Variants in ALDOC observed in about 807,000 individuals in gnomAD.
ALDOC encodes fructose-bisphosphate aldolase C.
ALDOC carries 23 observed loss-of-function variants against 39.5 expected under a neutral mutation model. The observed-to-expected ratio is 0.58, with a 90% CI of 0.42 to 0.82. The LOEUF is 0.82. Ranked by LOEUF, ALDOC falls within the 40% of genes least tolerant of loss-of-function variation. The pLI is 0.00. For synonymous variants in ALDOC, 160 were observed against 182.6 expected (o/e 0.88, Z 1.00); for missense variants, 356 against 479.1 (o/e 0.74, Z 2.40).
At position 28,575,358 on chromosome 17, in the gene ALDOC, G is replaced by A. The variant is rs1370474815; in HGVS notation, c.113-24C>T. 3 of 1,614,106 alleles carry A rather than the reference G, an allele frequency of 1.9e-6. No individual in the cohort carries two copies. The highest frequency in any genetic ancestry group is 3.3e-5 in the Admixed American group (2 of 60,006). On this transcript the variant is annotated intron_variant, in intron 2 of 8. Transcript: ENST00000226253. This position sits in a 1 kb window ranked among gnomAD's most constrained non-coding sequence, Gnocchi z 4.3. ...GCCTAGGGGCAAACAAAGAGAGGCA[G>A]TGAGAACATCCCCAGGGTCCCCTAG...
rs889636693 is a variant in ALDOC, at chr17:28,575,759, T to C, written c.-12-215A>G. ...TCCTTTTGTCCCTGGTAGGCATCCT[T>C]CCCAGCCCTGGGGAAAGATGCAGGG... On this transcript the variant is annotated intron_variant, in intron 1 of 8. Coordinates refer to ENST00000226253, the MANE Select transcript of ALDOC (RefSeq NM_005165.3). The surrounding 1 kb of genome is among the most constrained non-coding windows in gnomAD (Gnocchi z 4.3). 1 of 665,160 alleles carries C rather than the reference T, an allele frequency of 1.5e-6. No individual in the cohort carries two copies. Among genetic ancestry groups the C allele is most frequent in the Non-Finnish European group, 2.4e-6 (1 of 419,834 alleles). The allele number at this position is 665,160 out of a possible 1,614,324, so 41.2% of individuals were successfully genotyped here.
In ALDOC at chr17:28,573,970, C is replaced by T. The variant is rs370401725; in HGVS notation, c.800-36G>A. ...GGAGAGAAGACAAACTGACTGGTCA[C>T]TCCCAATTTTTCCAGGATAGGGAAC... On this transcript the variant is annotated intron_variant, in intron 7 of 8. Coordinates refer to ENST00000226253, the MANE Select transcript of ALDOC (RefSeq NM_005165.3). The surrounding 1 kb of genome is among the most constrained non-coding windows in gnomAD (Gnocchi z 4.3). The T allele has an allele frequency of 6.8e-5, 110 of 1,612,880 alleles. No individual in the cohort carries two copies. Among genetic ancestry groups the T allele is most frequent in the Non-Finnish European group, 9.2e-5 (109 of 1,179,194 alleles).
chr17:28,573,520 G>A lies in ALDOC; in HGVS notation c.*6C>T. ...TGGGCCAAGGGCTGTGGTATGGAGTGGATACTCAGTAGGCATGGTTGGCAA... is the reference window on the plus strand; with the variant it reads ...TGGGCCAAGGGCTGTGGTATGGAGTAGATACTCAGTAGGCATGGTTGGCAA... On this transcript the variant is annotated 3_prime_UTR_variant, in exon 9 of 9. Coordinates refer to ENST00000226253, the MANE Select transcript of ALDOC (RefSeq NM_005165.3). The surrounding 1 kb of genome is among the most constrained non-coding windows in gnomAD (Gnocchi z 4.3). 2 of 1,613,734 alleles carry A rather than the reference G, an allele frequency of 1.2e-6. No homozygotes were observed. The highest frequency in any genetic ancestry group is 1.7e-6 in the Non-Finnish European group (2 of 1,179,662).
chr17:28,576,766 A>C (rs1475662069), intron 1 of ALDOC, 35 bp downstream of exon 1: 3 of 983,344 alleles, frequency 3.1e-6, no homozygotes, highest in Non-Finnish European at 3.6e-6. Flanking sequence ...AATGAAGCGG[A>C]GATGTTGAGT....
At chr17:28,576,555 A>G (rs1179222608) in intron 1 of ALDOC, 1 of 152,584 alleles carries the variant, frequency 6.6e-6, no homozygotes, top group East Asian at 1.9e-4. Flanking sequence ...GACTCCAAGG[A>G]AAAATCCAAC....
At position 28,574,055 on chromosome 17, in the gene ALDOC, G is replaced by C; in HGVS notation, c.799+12C>G. 6.3e-7 allele frequency: 1 copy of C among 1,595,244 alleles called. No homozygotes were observed. On this transcript the variant is annotated intron_variant, in intron 7 of 8. Transcript: ENST00000226253. ...CTTAGGGATAGGAGCAGGTTAGGGA[G>C]CTGGGTAGTACCTGGGACAGCTGGG...
Position 28,575,059 on chromosome 17 carries a change from ACC to A in ALDOC, c.325-55_325-54del. On this transcript the variant is annotated intron_variant, in intron 3 of 8. Coordinates refer to ENST00000226253, the MANE Select transcript of ALDOC (RefSeq NM_005165.3). This position sits in a 1 kb window ranked among gnomAD's most constrained non-coding sequence, Gnocchi z 4.3. ...GAATCCAGGCAGGATTCTCCTTGCTACCCCTCCTACACAAGCTTATTTTCACA... is the reference window on the plus strand; with the variant it reads ...GAATCCAGGCAGGATTCTCCTTGCTACCTCCTACACAAGCTTATTTTCACA... 1 of 1,613,904 alleles carries A rather than the reference ACC, an allele frequency of 6.2e-7. No individual in the cohort carries two copies. Among genetic ancestry groups the A allele is most frequent in the Non-Finnish European group, 8.5e-7 (1 of 1,179,900 alleles).
rs2151515993 is a variant in ALDOC at position 28,573,255 on chromosome 17, T to C, written c.*271A>G. On this transcript the variant is annotated 3_prime_UTR_variant, in exon 9 of 9. Transcript: ENST00000226253. This position sits in a 1 kb window ranked among gnomAD's most constrained non-coding sequence, Gnocchi z 4.3. ...GAGAAGCTACCTCATCATGGGAAAA[T>C]TGTGGGAGCTGGAAGAGGTAGGGGG... 4.5e-5 allele frequency: 24 copies of C among 528,138 alleles called. No individual in the cohort carries two copies. In the South Asian group the frequency reaches 4.7e-4, roughly 10 times the overall value. The allele number at this position is 528,138 out of a possible 1,614,324, so 32.7% of individuals were successfully genotyped here. A position where few individuals can be genotyped will look rare whatever the true frequency, so the allele number is the denominator to read the frequency against.
chr17:28,574,023 G>C, intron 7 of ALDOC, 44 bp downstream of exon 7: 1 of 1,601,678 alleles, frequency 6.2e-7, no homozygotes, highest in Non-Finnish European at 8.5e-7. Flanking sequence ...AGGACCTGAA[G>C]ATGGGCCTTA....
Position 28,574,808 on chromosome 17 carries a change from G to A in ALDOC, c.428C>T (p.Ala143Val). The A allele has an allele frequency of 6.2e-7, 1 of 1,614,238 alleles. No individual in the cohort carries two copies. The highest frequency in any genetic ancestry group is 8.5e-7 in the Non-Finnish European group (1 of 1,180,042). The change falls in exon 5 of 9, where the codon GCT becomes GTT. Residue 143 changes from alanine (A) to valine (V), a missense_variant. Transcript: ENST00000226253. ...ERCAQYKKDG[A>V]DFAKWRCVLK... is the part of the protein sequence containing the mutation. ...CACACAGCGCCACTTGGCAAAGTCA[G>A]CACCATCCTTCTTGTATTGGGCACA...
Position 28,574,506 on chromosome 17 carries a change from A to G in ALDOC, c.612T>C (p.Tyr204=), listed in dbSNP as rs2070463189. The G allele has an allele frequency of 3.1e-6, 5 of 1,613,998 alleles. No homozygotes were observed. Among genetic ancestry groups the G allele is most frequent in the Non-Finnish European group, 4.2e-6 (5 of 1,180,006 alleles). ...GGTGTGGACTCACCTTCTCTGTAAC[A>G]TACTGACAACGTTTGAGGTCGTGGT... ...DGDHDLKRCQ[Y]VTEKVLAAVY... Residue 204 remains tyrosine, a synonymous_variant, in exon 6 of 9, where the codon TAT becomes TAC. Coordinates refer to ENST00000226253, the MANE Select transcript of ALDOC (RefSeq NM_005165.3).
Position 28,574,780 on chromosome 17 carries a change from C to T in ALDOC, c.456G>A (p.Leu152=), listed in dbSNP as rs754828649. The T allele has an allele frequency of 6.2e-7, 1 of 1,614,254 alleles. No homozygotes were observed. The highest frequency in any genetic ancestry group is 1.1e-5 in the South Asian group (1 of 91,088). The change falls in exon 5 of 9, where the codon CTG becomes CTA. Residue 152 remains leucine, a synonymous_variant. Transcript: ENST00000226253. The part of the protein sequence containing the change: ...GADFAKWRCV[L]KISERTPSAL... ...CAGAGGGTGTACGCTCACTGATTTTCAGCACACAGCGCCACTTGGCAAAGT... is the reference window on the plus strand; with the variant it reads ...CAGAGGGTGTACGCTCACTGATTTTTAGCACACAGCGCCACTTGGCAAAGT...
In ALDOC at chr17:28,573,454, G is replaced by C; in HGVS notation, c.*72C>G. 1 of 1,368,776 alleles carries C rather than the reference G, an allele frequency of 7.3e-7. No individual in the cohort carries two copies. The highest frequency in any genetic ancestry group is 1.0e-6 in the Non-Finnish European group (1 of 957,050). 84.8% of individuals were successfully genotyped at this position (1,368,776 alleles called of 1,614,324 possible). A position where few individuals can be genotyped will look rare whatever the true frequency, so the allele number is the denominator to read the frequency against. ...GCATCTCTGCTCTGCATAGCTATTT[G>C]GCCCTGGCCATGACTACAAGCAAAA... On this transcript the variant is annotated 3_prime_UTR_variant, in exon 9 of 9. Transcript: ENST00000226253. This position sits in a 1 kb window ranked among gnomAD's most constrained non-coding sequence, Gnocchi z 4.3.
chr17:28,575,598 G>T lies in ALDOC; in HGVS notation c.-12-54C>A. The T allele has an allele frequency of 6.4e-7, 1 of 1,562,350 alleles. No individual in the cohort carries two copies. Among genetic ancestry groups the T allele is most frequent in the South Asian group, 1.2e-5 (1 of 86,048 alleles). On this transcript the variant is annotated intron_variant, in intron 1 of 8. Transcript: ENST00000226253. The surrounding 1 kb of genome is among the most constrained non-coding windows in gnomAD (Gnocchi z 4.3). Reference sequence around the variant, plus strand: ...GACCTCACCCTCTGCTGCCTCTCCTGGCCAGATGGGCCAAATGGCCTCCCC... The same window carrying T: ...GACCTCACCCTCTGCTGCCTCTCCTTGCCAGATGGGCCAAATGGCCTCCCC...
Position 28,574,205 on chromosome 17 carries a change from G to C in ALDOC, c.661C>G (p.His221Asp). 1 of 1,606,074 alleles carries C rather than the reference G, an allele frequency of 6.2e-7. No individual in the cohort carries two copies. The change falls in exon 7 of 9, where the codon CAT (histidine) becomes GAT (aspartate). Residue 221 changes from histidine to aspartate, a missense_variant. By Grantham distance (81) the His-to-Asp change is moderately conservative (BLOSUM62 -1). Coordinates refer to ENST00000226253, the MANE Select transcript of ALDOC (RefSeq NM_005165.3). ...AAVYKALSDH[H>D]VYLEGTLLKP... ...AGCAGGGTCCCCTCCAGGTATACAT[G>C]ATGGTCACTCAGGGCCTTGTACACA...
Position 28,575,786 on chromosome 17 carries a change from G to A in ALDOC, c.-12-242C>T, listed in dbSNP as rs1248578650. 3.3e-6 allele frequency: 2 copies of A among 611,270 alleles called. No homozygotes were observed. Among genetic ancestry groups the A allele is most frequent in the African/African-American group, 1.9e-5 (1 of 53,712 alleles). The allele number at this position is 611,270 out of a possible 1,614,324, so 37.9% of individuals were successfully genotyped here. A position where few individuals can be genotyped will look rare whatever the true frequency, so the allele number is the denominator to read the frequency against. ...CCAGCCCTGGGGAAAGATGCAGGGT[G>A]GGGGTGGGGAGGTGAGCAGCCCTGA... On this transcript the variant is annotated intron_variant, in intron 1 of 8. Coordinates refer to ENST00000226253, the MANE Select transcript of ALDOC (RefSeq NM_005165.3). This position sits in a 1 kb window ranked among gnomAD's most constrained non-coding sequence, Gnocchi z 4.3.
chr17:28,575,268 C>T lies in ALDOC; in HGVS notation c.179G>A (p.Arg60His), dbSNP rs780705348. The change falls in exon 3 of 9, where the codon CGC (arginine) becomes CAC (histidine). Residue 60 changes from arginine to histidine, a missense_variant. Arg to His is a conservative substitution (Grantham distance 29). Coordinates refer to ENST00000226253, the MANE Select transcript of ALDOC (RefSeq NM_005165.3). The surrounding 1 kb of genome is among the most constrained non-coding windows in gnomAD (Gnocchi z 4.3). The part of the protein sequence containing the change: ...ENTEENRRLY[R>H]QVLFSADDRV... ...GTCATCAGCACTGAACAGGACCTGG[C>T]GGTACAGCCGGCGGTTCTCCTCTGT... 5.6e-6 allele frequency: 9 copies of T among 1,614,156 alleles called. No individual in the cohort carries two copies. The highest frequency in any genetic ancestry group is 5.5e-5 in the South Asian group (5 of 91,082).
In ALDOC at chr17:28,575,068, A is replaced by C. The variant is rs1597590541; in HGVS notation, c.324+55T>G. 2.0e-5 allele frequency: 32 copies of C among 1,613,904 alleles called. No homozygotes were observed. Among genetic ancestry groups the C allele is most frequent in the Non-Finnish European group, 2.5e-5 (29 of 1,179,904 alleles). On this transcript the variant is annotated intron_variant, in intron 3 of 8. Transcript: ENST00000226253. The surrounding 1 kb of genome is among the most constrained non-coding windows in gnomAD (Gnocchi z 4.3). ...CAGGATTCTCCTTGCTACCCCTCCT[A>C]CACAAGCTTATTTTCACACCCAGCT...
chr17:28,575,748 G>A lies in ALDOC; in HGVS notation c.-12-204C>T. 1 of 718,502 alleles carries A rather than the reference G, an allele frequency of 1.4e-6. No homozygotes were observed. The highest frequency in any genetic ancestry group is 2.2e-6 in the Non-Finnish European group (1 of 458,964). 44.5% of individuals were successfully genotyped at this position (718,502 alleles called of 1,614,324 possible). A position where few individuals can be genotyped will look rare whatever the true frequency, so the allele number is the denominator to read the frequency against. ...GTTCCCACATCTCCTTTTGTCCCTG[G>A]TAGGCATCCTTCCCAGCCCTGGGGA... On this transcript the variant is annotated intron_variant, in intron 1 of 8. Coordinates refer to ENST00000226253, the MANE Select transcript of ALDOC (RefSeq NM_005165.3). This position sits in a 1 kb window ranked among gnomAD's most constrained non-coding sequence, Gnocchi z 4.3.
Sources: gnomAD v4.1 joint callset for allele counts on GRCh38, gnomAD v4.1.1 for gene constraint, Gnocchi (gnomAD v3.1) non-coding constraint, MANE v1.5 for transcripts, NCBI Gene and HGNC (gene_info 2026-07-23, HGNC 2026-07-21) for gene names.